PAPOLA: variants seen among roughly 807,000 people sequenced by gnomAD.
PAPOLA encodes the protein polynucleotide adenylyltransferase alpha.
A neutral mutation model predicts 100.6 loss-of-function variants in PAPOLA; 15 were observed. That is an observed-to-expected ratio of 0.15 (90% CI 0.10 to 0.23). The LOEUF (loss-of-function observed/expected upper bound fraction) is 0.23, where lower values mean the gene tolerates loss of function less well. Among genes scored for constraint, PAPOLA ranks in the 10% least tolerant of loss-of-function variants. PAPOLA has a pLI of 1.00. For missense variants in PAPOLA, 533 were observed against 884.2 expected (o/e 0.60, Z 5.04); for synonymous variants, 293 against 300.0 (o/e 0.98, Z 0.24).
Position 96,552,569 on chromosome 14 carries a change from A to G in PAPOLA, c.1611A>G (p.Ser537=). 1 of 1,614,078 alleles carries G rather than the reference A, an allele frequency of 6.2e-7. No individual in the cohort carries two copies. The highest frequency in any genetic ancestry group is 8.5e-7 in the Non-Finnish European group (1 of 1,179,936). Reference sequence around the variant, plus strand: ...GTGATAACAGCATGTCTGTGCCTTCACCTACTAGTGCTACGAAGACCAGTC... The same window carrying G: ...GTGATAACAGCATGTCTGTGCCTTCGCCTACTAGTGCTACGAAGACCAGTC... ...MDSDNSMSVP[S]PTSATKTSPL... The change falls in exon 17 of 22, where the codon TCA becomes TCG. Residue 537 remains serine (S), a synonymous_variant. Coordinates refer to ENST00000216277, the MANE Select transcript of PAPOLA (RefSeq NM_032632.5).
In PAPOLA at chr14:96,511,871, T is replaced by G. The variant is rs186986101; in HGVS notation, c.9-8184T>G. Among the ~76,000 whole-genome samples, 21 of 152,346 alleles carry G rather than the reference T, an allele frequency of 1.4e-4. No individual in the cohort carries two copies. The East Asian group carries it at 3.7e-3, about 27-fold the overall frequency. ...CTGGAGCAATAAATAAAGCAATATTTGCTTTGGATTTACTATTTCTAGCCA... is the reference window on the plus strand; with the variant it reads ...CTGGAGCAATAAATAAAGCAATATTGGCTTTGGATTTACTATTTCTAGCCA... On this transcript the variant is annotated intron_variant, in intron 1 of 21. Transcript: ENST00000216277.
intron 1 of PAPOLA, among the ~76,000 whole-genome samples, chr14:96,518,827 G>T (rs925198988): frequency 1.3e-5 from 2 of 151,982 alleles, no homozygotes; most frequent in Admixed American, 6.6e-5. Flanking sequence ...GAGGCCAAAG[G>T]GAGCGGATCA....
intron 1 of PAPOLA, among the ~76,000 whole-genome samples, chr14:96,517,082 TAGA>T (rs1465279406): frequency 1.3e-5 from 2 of 152,182 alleles, no homozygotes; most frequent in Non-Finnish European, 2.9e-5. Flanking sequence ...AAAACAAAAA[TAGA>T]AGTTTATTGC....
intron 3 of PAPOLA, among the ~76,000 whole-genome samples, chr14:96,521,499 TA>T (rs1451038257): frequency 2.6e-5 from 4 of 152,140 alleles, no homozygotes; most frequent in African/African-American, 4.8e-5. Flanking sequence ...ATTTTTTATT[TA>T]TTTTTTTTGA....
At chr14:96,513,158 G>A (rs1001820890) in intron 1 of PAPOLA, among the ~76,000 whole-genome samples, 3 of 152,090 alleles carry the variant, frequency 2.0e-5, no homozygotes, top group South Asian at 2.1e-4. Context: ...CAGCTTCCTG[G>A]GCTCAAGAGA....
At chr14:96,547,721 A>G in intron 15 of PAPOLA, 76 bp from the exon 16 acceptor site, 1 of 1,124,228 alleles carries the variant, frequency 8.9e-7, no homozygotes, top group Non-Finnish European at 1.3e-6. Context: ...CCTACTTAGA[A>G]TAGTTTCTCT....
chr14:96,514,662 A>G (rs1307503625), intron 1 of PAPOLA, among the ~76,000 whole-genome samples: 2 of 152,248 alleles, frequency 1.3e-5, no homozygotes, highest in East Asian at 3.8e-4. Flanking sequence ...AATTAGAGTC[A>G]TCTTGACAGC....
chr14:96,509,038 CTTTA>C (rs1055137104), intron 1 of PAPOLA, among the ~76,000 whole-genome samples: 3 of 152,054 alleles, frequency 2.0e-5, no homozygotes, highest in Non-Finnish European at 2.9e-5. Context: ...CAGTTGGAGT[CTTTA>C]TTTATTTTTG....
rs1488788045 is a variant in PAPOLA, at chr14:96,519,431, C to T, written c.9-624C>T. On this transcript the variant is annotated intron_variant, in intron 1 of 21. Coordinates refer to ENST00000216277, the MANE Select transcript of PAPOLA (RefSeq NM_032632.5). ...CCTAAGCATTTAAAGCATGCTATGCCTTTTTACAAATTTGGAACTTATCTT... is the reference window on the plus strand; with the variant it reads ...CCTAAGCATTTAAAGCATGCTATGCTTTTTTACAAATTTGGAACTTATCTT... Among the ~76,000 whole-genome samples the T allele has an allele frequency of 2.0e-5, 3 of 151,832 alleles. No individual in the cohort carries two copies. In the East Asian group the frequency reaches 5.8e-4, roughly 29 times the overall value.
intron 21 of PAPOLA, 59 bp from the exon 22 acceptor site, chr14:96,564,896 A>C (rs1244467281): frequency 1.1e-6 from 1 of 881,728 alleles, no homozygotes; most frequent in African/African-American, 1.6e-5. Flanking sequence ...TGGAAAATAC[A>C]TCTCATTGTT....
intron 6 of PAPOLA, among the ~76,000 whole-genome samples, chr14:96,528,214 A>G (rs1356357771): frequency 6.6e-6 from 1 of 152,234 alleles, no homozygotes; most frequent in African/African-American, 2.4e-5. Context: ...ATTTGGAGCT[A>G]AAACAGAAGT....
rs185520992 is a variant in PAPOLA at position 96,517,156 on chromosome 14, C to G, written c.9-2899C>G. On this transcript the variant is annotated intron_variant, in intron 1 of 21. Coordinates refer to ENST00000216277, the MANE Select transcript of PAPOLA (RefSeq NM_032632.5). ...GACTTAAAAGCTCTCCTTGCTTGAA[C>G]CAGATCTAGCCTAGACAAAATAAAG... 1.7e-3 allele frequency among the ~76,000 whole-genome samples: 262 copies of G among 152,244 alleles called. 2 individuals are homozygous for G. Among genetic ancestry groups the G allele is most frequent in the African/African-American group, 6.1e-3 (253 of 41,532 alleles).
chr14:96,529,538 C>CG (rs137961999), intron 6 of PAPOLA, among the ~76,000 whole-genome samples: 7,777 of 151,542 alleles, frequency 0.051, 380 homozygotes, highest in African/African-American at 0.13. Context: ...CTGGCCAACA[C>CG]GTTGAAACCC....
intron 3 of PAPOLA, among the ~76,000 whole-genome samples, chr14:96,522,462 G>C (rs965417322): frequency 5.3e-4 from 81 of 151,568 alleles, no homozygotes; most frequent in African/African-American, 1.8e-3. Context: ...CCAGACTGGA[G>C]TGCAGTGGCA....
intron 1 of PAPOLA, among the ~76,000 whole-genome samples, chr14:96,516,776 A>G (rs1698939234): frequency 6.6e-6 from 1 of 152,236 alleles, no homozygotes; most frequent in African/African-American, 2.4e-5. Context: ...TTATTTCCCC[A>G]TCAAAATGTT....
chr14:96,532,464 CTT>C, intron 8 of PAPOLA, 44 bp downstream of exon 8: 1 of 1,606,730 alleles, frequency 6.2e-7, no homozygotes, highest in Non-Finnish European at 8.5e-7. Flanking sequence ...AATGTTCAAA[CTT>C]TTGTTCAACA....
At chr14:96,507,936 T>G (rs1329503056) in intron 1 of PAPOLA, among the ~76,000 whole-genome samples, 1 of 152,092 alleles carries the variant, frequency 6.6e-6, no homozygotes, top group Non-Finnish European at 1.5e-5. Context: ...AGTGTAGTGG[T>G]GCTAGCTCGG....
At chr14:96,533,840 A>T (rs1255439833) in intron 9 of PAPOLA, 3 of 980,288 alleles carry the variant, frequency 3.1e-6, no homozygotes, top group Non-Finnish European at 3.6e-6. Context: ...GGCGTGAGCC[A>T]CCGCGTCCGG....
chr14:96,555,902 A>G lies in PAPOLA; in HGVS notation c.1720A>G (p.Thr574Ala), dbSNP rs1365549188. Residue 574 changes from threonine (T) to alanine (A), a missense_variant, in exon 18 of 22, where the codon ACT (threonine) becomes GCT (alanine). Coordinates refer to ENST00000216277, the MANE Select transcript of PAPOLA (RefSeq NM_032632.5). ...TAASVTNIQA[T>A]EVSVPQVNSS... ...AGCATCTGTGACCAACATACAGGCTACTGAAGTTTCTGTGCCACAAGTAAA... is the reference window on the plus strand; with the variant it reads ...AGCATCTGTGACCAACATACAGGCTGCTGAAGTTTCTGTGCCACAAGTAAA... 5 of 1,611,758 alleles carry G rather than the reference A, an allele frequency of 3.1e-6. No individual in the cohort carries two copies. The highest frequency in any genetic ancestry group is 4.5e-5 in the East Asian group (2 of 44,826).
Sources: allele counts gnomAD v4.1 joint callset (sites outside exome capture counted in the v4.1 genomes callset), GRCh38; gene constraint gnomAD v4.1.1; transcripts MANE v1.5; gene names NCBI Gene and HGNC (gene_info 2026-07-23, HGNC 2026-07-21).